Variants in LIMCH1 observed in about 807,000 individuals in gnomAD.
LIMCH1 encodes the protein LIM and calponin homology domains-containing protein 1.
A neutral mutation model predicts 176.5 loss-of-function variants in LIMCH1; 113 were observed. The observed-to-expected ratio is 0.64, with a 90% CI of 0.55 to 0.75. The LOEUF is 0.75. Ranked by LOEUF, LIMCH1 falls within the 30% of genes least tolerant of loss-of-function variation. The pLI is 0.00. For synonymous variants in LIMCH1, 619 were observed against 645.9 expected (o/e 0.96, Z 0.63); for missense variants, 1,674 against 1,814.9 (o/e 0.92, Z 1.41).
chr4:41,424,476 C>T (rs886489046), intron 1 of LIMCH1, among the ~76,000 whole-genome samples: 13 of 152,154 alleles, frequency 8.5e-5, no homozygotes, highest in Non-Finnish European at 1.8e-4. Flanking sequence ...TGGGGCCAAA[C>T]GCCTTTCATA....
At chr4:41,468,683 G>A (rs1436418132) in intron 1 of LIMCH1, among the ~76,000 whole-genome samples, 6 of 151,948 alleles carry the variant, frequency 3.9e-5, no homozygotes, top group Non-Finnish European at 8.8e-5. Context: ...GGTAAGGCAT[G>A]TAGTCCTGCA....
chr4:41,603,978 A>G, intron 3 of LIMCH1, 73 bp downstream of exon 3: 2 of 1,301,920 alleles, frequency 1.5e-6, no homozygotes, highest in Non-Finnish European at 2.2e-6. Context: ...AGTGTTTCTC[A>G]TATGCCTTGC....
chr4:41,689,540 A>G lies in LIMCH1; in HGVS notation c.4180A>G (p.Lys1394Glu). The G allele has an allele frequency of 6.2e-7, 1 of 1,604,220 alleles. No homozygotes were observed. Residue 1394 changes from lysine (K) to glutamate (E), a missense_variant, in exon 30 of 32, where the codon AAG becomes GAG. Coordinates refer to ENST00000503057, the MANE Select transcript of LIMCH1 (RefSeq NM_001330672.2). The stretch of plus-strand genomic sequence containing the variant: ...TTTTAAACCTAGGTCTATAAGTGGA[A>G]AGAAGCTGTGCTCTTCCTGTGGGCT... ...GQSPNRSISGKKLCSSCGLPL... is the reference protein window; with the variant it reads ...GQSPNRSISGEKLCSSCGLPL...
chr4:41,440,710 T>G (rs2062610354), intron 1 of LIMCH1, among the ~76,000 whole-genome samples: 1 of 152,104 alleles, frequency 6.6e-6, no homozygotes, highest in African/African-American at 2.4e-5. Flanking sequence ...TTTTTGTATT[T>G]TTAGTAGAGG....
At chr4:41,677,896 T>C (rs1712207301) in intron 23 of LIMCH1, among the ~76,000 whole-genome samples, 1 of 152,186 alleles carries the variant, frequency 6.6e-6, no homozygotes, top group Admixed American at 6.5e-5. Context: ...TTTTGATGAC[T>C]TTCTGCTGCT....
At chr4:41,605,825 A>G (rs1238148443) in intron 3 of LIMCH1, 69 bp from the exon 4 acceptor site, 10 of 922,574 alleles carry the variant, frequency 1.1e-5, no homozygotes, top group South Asian at 8.3e-5. Context: ...TTAGTGGTAC[A>G]TTATTGACTC....
At chr4:41,403,057 A>T (rs2058624142) in intron 1 of LIMCH1, among the ~76,000 whole-genome samples, 1 of 152,154 alleles carries the variant, frequency 6.6e-6, no homozygotes, top group Non-Finnish European at 1.5e-5. Context: ...GAAATAACTT[A>T]TATTGAGGAT....
chr4:41,683,107 T>C (rs1717656453), intron 26 of LIMCH1, among the ~76,000 whole-genome samples: 1 of 152,140 alleles, frequency 6.6e-6, no homozygotes, highest in South Asian at 2.1e-4. Context: ...TCTGGAGTGA[T>C]AGAAATTGAA....
chr4:41,417,760 T>TAG (rs1490307970), intron 1 of LIMCH1, among the ~76,000 whole-genome samples: 3 of 152,026 alleles, frequency 2.0e-5, no homozygotes, highest in South Asian at 4.1e-4. Context: ...CTGGGTTCAA[T>TAG]AGAGCCGCCC....
intron 1 of LIMCH1, among the ~76,000 whole-genome samples, chr4:41,416,061 T>G (rs1350706720): frequency 2.6e-5 from 4 of 152,078 alleles, no homozygotes; most frequent in African/African-American, 4.8e-5. Context: ...AGGCTGGCGC[T>G]GAGTACTGAC....
chr4:41,605,230 T>A lies in LIMCH1; in HGVS notation c.-102-664T>A, dbSNP rs1301369446. ...AGACATTCTTAAATATCCAAGGTTG[T>A]TTAATTGGTAGCAAGCCTTGTCAAG... On this transcript the variant is annotated intron_variant, in intron 3 of 31. Transcript: ENST00000503057. Among the ~76,000 whole-genome samples, 5 of 152,176 alleles carry A rather than the reference T, an allele frequency of 3.3e-5. No individual in the cohort carries two copies. In the South Asian group the frequency reaches 8.3e-4, roughly 25 times the overall value.
chr4:41,464,751 A>G (rs1265200555), intron 1 of LIMCH1, among the ~76,000 whole-genome samples: 7 of 152,180 alleles, frequency 4.6e-5, no homozygotes, highest in Admixed American at 3.9e-4. Context: ...TCTGAAATTT[A>G]AAACAATTGC....
chr4:41,510,232 T>C (rs2074711399), intron 2 of LIMCH1, among the ~76,000 whole-genome samples: 1 of 152,206 alleles, frequency 6.6e-6, no homozygotes, highest in South Asian at 2.1e-4. Flanking sequence ...ATCTTTCTCC[T>C]CCTGAACAAA....
intron 1 of LIMCH1, among the ~76,000 whole-genome samples, chr4:41,391,107 G>A (rs887585587): frequency 1.3e-5 from 2 of 152,146 alleles, no homozygotes; most frequent in Admixed American, 6.5e-5. Flanking sequence ...CTACCCAGTT[G>A]CAACAAATCA....
chr4:41,660,204 T>G (rs1310280973), intron 18 of LIMCH1, among the ~76,000 whole-genome samples: 1 of 152,224 alleles, frequency 6.6e-6, no homozygotes, highest in Non-Finnish European at 1.5e-5. Context: ...ATTCAACATC[T>G]TATTTTTTCA....
At chr4:41,590,622 G>A (rs1374426076) in intron 1 of LIMCH1, among the ~76,000 whole-genome samples, 2 of 152,062 alleles carry the variant, frequency 1.3e-5, no homozygotes, top group African/African-American at 4.8e-5. Flanking sequence ...TTTCTCTTCT[G>A]TGATCCGCTG....
chr4:41,643,592 A>G (rs1562049865), intron 14 of LIMCH1, among the ~76,000 whole-genome samples: 1 of 152,250 alleles, frequency 6.6e-6, no homozygotes, highest in Non-Finnish European at 1.5e-5. Context: ...GGTCTTGCAC[A>G]ACATTTAATA....
intron 2 of LIMCH1, among the ~76,000 whole-genome samples, chr4:41,505,090 T>C (rs1375541197): frequency 1.3e-5 from 2 of 152,206 alleles, no homozygotes; most frequent in African/African-American, 4.8e-5. Context: ...AATTCTTTGT[T>C]CAGTGTTTGG....
intron 16 of LIMCH1, 26 bp from the exon 17 acceptor site, chr4:41,646,459 G>C (rs756499804): frequency 6.3e-7 from 1 of 1,597,214 alleles, no homozygotes; most frequent in Non-Finnish European, 8.5e-7. Context: ...AGTTGACTTT[G>C]TTATTGCTTC....
Sources: gnomAD v4.1 joint callset for allele counts (sites outside exome capture counted in the v4.1 genomes callset) on GRCh38, gnomAD v4.1.1 for gene constraint, MANE v1.5 for transcripts, NCBI Gene and HGNC (gene_info 2026-07-23, HGNC 2026-07-21) for gene names.